The following SEL1L variants were observed in gnomAD, a reference collection of about 807,000 sequenced individuals.
The protein encoded by SEL1L is protein sel-1 homolog 1.
Under a neutral mutation model 109.8 loss-of-function variants are expected in SEL1L, and 52 were observed. The ratio of observed to expected loss-of-function variants is 0.47; its 90% CI spans 0.38 to 0.60. The LOEUF (loss-of-function observed/expected upper bound fraction) is 0.60, where lower values mean the gene tolerates loss of function less well. Among genes scored for constraint, SEL1L ranks in the 20% least tolerant of loss-of-function variants. SEL1L has a pLI of 0.00. For synonymous variants in SEL1L, 373 were observed against 339.6 expected (o/e 1.10, Z -1.08); for missense variants, 749 against 962.2 (o/e 0.78, Z 2.93).
At chr14:81,513,337 G>A (rs916882928) in intron 3 of SEL1L, among the ~76,000 whole-genome samples, 1 of 152,168 alleles carries the variant, frequency 6.6e-6, no homozygotes, top group African/African-American at 2.4e-5. Context: ...AATAAATCTT[G>A]TTGCTGCTCA....
At chr14:81,484,031 G>A (rs566182151) in intron 19 of SEL1L, among the ~76,000 whole-genome samples, 194 bp downstream of exon 19, 6 of 152,312 alleles carry the variant, frequency 3.9e-5, no homozygotes, top group Admixed American at 6.5e-5. Context: ...ATAAAACAGC[G>A]TGGATAGCAG....
chr14:81,491,768 T>C (rs1027776042), intron 12 of SEL1L, among the ~76,000 whole-genome samples: 1 of 152,218 alleles, frequency 6.6e-6, no homozygotes, highest in Non-Finnish European at 1.5e-5. Context: ...TCTGTTCCCT[T>C]GATTGAGAAC....
chr14:81,480,375 G>C (rs1479283912), intron 19 of SEL1L, among the ~76,000 whole-genome samples: 2 of 152,110 alleles, frequency 1.3e-5, no homozygotes, highest in Non-Finnish European at 2.9e-5. Context: ...ATTTTTAGTA[G>C]AGACGGGGTT....
chr14:81,509,639 A>G, intron 3 of SEL1L, among the ~76,000 whole-genome samples: 1 of 152,242 alleles, frequency 6.6e-6, no homozygotes, highest in East Asian at 1.9e-4. Flanking sequence ...AGTAAGAAAA[A>G]GTAAAAAGCA....
At chr14:81,512,001 A>G (rs753894084) in intron 3 of SEL1L, among the ~76,000 whole-genome samples, 40 of 152,208 alleles carry the variant, frequency 2.6e-4, no homozygotes, top group Admixed American at 8.5e-4. Context: ...GACCTTTTTC[A>G]TTTGCAAACT....
At chr14:81,502,573 C>T in intron 6 of SEL1L, 148 bp downstream of exon 6, 3 of 759,390 alleles carry the variant, frequency 4.0e-6, no homozygotes, top group Non-Finnish European at 6.4e-6. Context: ...AAAGACTATC[C>T]AAGAAGACTG....
chr14:81,498,105 G>A (rs1446357453), intron 9 of SEL1L, 59 bp from the exon 10 acceptor site: 9 of 1,534,170 alleles, frequency 5.9e-6, no homozygotes, highest in East Asian at 2.3e-5. Flanking sequence ...GTTCCAGAGA[G>A]AGAGAAGTAC....
At chr14:81,513,326 C>A (rs1402651557) in intron 3 of SEL1L, among the ~76,000 whole-genome samples, 1 of 152,176 alleles carries the variant, frequency 6.6e-6, no homozygotes, top group Non-Finnish European at 1.5e-5. Flanking sequence ...TCGCTCTTCA[C>A]AATAAATCTT....
At chr14:81,491,197 C>T (rs1186004344) in intron 12 of SEL1L, among the ~76,000 whole-genome samples, 1 of 152,142 alleles carries the variant, frequency 6.6e-6, no homozygotes, top group Non-Finnish European at 1.5e-5. Context: ...TCTCCTCTAC[C>T]ACTACTTTCC....
At chr14:81,516,294 C>T (rs1398528137) in intron 3 of SEL1L, among the ~76,000 whole-genome samples, 10 of 152,200 alleles carry the variant, frequency 6.6e-5, no homozygotes, top group African/African-American at 2.4e-4. Flanking sequence ...TGTTAACCTC[C>T]TGTCCCAGAC....
chr14:81,495,243 A>G, intron 10 of SEL1L, 106 bp from the exon 11 acceptor site: 1 of 938,924 alleles, frequency 1.1e-6, no homozygotes, highest in African/African-American at 1.6e-5. Context: ...TCTGTTCATG[A>G]CTCAAAAAAC....
chr14:81,510,508 CTCTCTCTATATA>C (rs965729948), intron 3 of SEL1L, among the ~76,000 whole-genome samples: 3 of 116,412 alleles, frequency 2.6e-5, no homozygotes, highest in African/African-American at 6.8e-5. Flanking sequence ...CTCTCTCTCT[CTCTCTCTATATA>C]TATATATATA....
chr14:81,505,954 A>C, intron 4 of SEL1L, 120 bp downstream of exon 4: 2 of 926,628 alleles, frequency 2.2e-6, no homozygotes, highest in South Asian at 3.5e-5. Flanking sequence ...GGCTGTAATG[A>C]CATCAGCAAT....
chr14:81,499,727 C>T (rs1268695746), intron 6 of SEL1L, 65 bp from the exon 7 acceptor site: 5 of 1,315,676 alleles, frequency 3.8e-6, no homozygotes, highest in Non-Finnish European at 5.3e-6. Context: ...CAGACACAGA[C>T]AGACACAGTT....
Position 81,487,467 on chromosome 14 carries a change from T to C in SEL1L, c.1555A>G (p.Ile519Val). Residue 519 changes from isoleucine (I) to valine (V), a missense_variant, in exon 16 of 21, where the codon ATC becomes GTC. Physicochemically the swap from Ile to Val is conservative, Grantham distance 29. This residue lies in a region of SEL1L where 383 missense variants were observed against 562.5 expected (regional missense o/e 0.68). Coordinates refer to ENST00000336735, the MANE Select transcript of SEL1L (RefSeq NM_005065.6). Reference protein sequence around the residue: ...YFNLASQGGHILAFYNLAQMH... With the variant: ...YFNLASQGGHVLAFYNLAQMH... ...TGAGCTAGGTTATAGAAAGCCAAGA[T>C]ATGGCCTCCCTGAGAAGCTAAATTA... is the stretch of plus-strand genomic sequence containing the variant. 1 of 1,610,402 alleles carries C rather than the reference T, an allele frequency of 6.2e-7. No individual in the cohort carries two copies. The highest frequency in any genetic ancestry group is 8.5e-7 in the Non-Finnish European group (1 of 1,179,256).
intron 19 of SEL1L, 151 bp downstream of exon 19, chr14:81,484,074 G>A: frequency 1.3e-6 from 1 of 751,922 alleles, no homozygotes; most frequent in Non-Finnish European, 2.2e-6. Flanking sequence ...AGAGATGGAA[G>A]GGCAGTCTTC....
At chr14:81,487,641 T>C in intron 15 of SEL1L, 103 bp from the exon 16 acceptor site, 2 of 1,522,072 alleles carry the variant, frequency 1.3e-6, no homozygotes, top group Non-Finnish European at 1.8e-6. Context: ...AAAGAATTCT[T>C]ACTGAGTAAA....
chr14:81,476,786 A>G lies in SEL1L; in HGVS notation c.*186T>C. On this transcript the variant is annotated 3_prime_UTR_variant, in exon 21 of 21. Coordinates refer to ENST00000336735, the MANE Select transcript of SEL1L (RefSeq NM_005065.6). Reference sequence around the variant, plus strand: ...CTGAAACAAACATTCAGCTCAGTTTAGGTAAGAGTTACTTATCCCTGAAAA... The same window carrying G: ...CTGAAACAAACATTCAGCTCAGTTTGGGTAAGAGTTACTTATCCCTGAAAA... 1.7e-6 allele frequency: 1 copy of G among 593,080 alleles called. No homozygotes were observed. The highest frequency in any genetic ancestry group is 2.3e-5 in the South Asian group (1 of 43,226). 36.7% of individuals were successfully genotyped at this position (593,080 alleles called of 1,614,324 possible). A position where few individuals can be genotyped will look rare whatever the true frequency, so the allele number is the denominator to read the frequency against.
At chr14:81,500,986 C>CAT (rs1326529108) in intron 6 of SEL1L, among the ~76,000 whole-genome samples, 1 of 152,188 alleles carries the variant, frequency 6.6e-6, no homozygotes, top group Non-Finnish European at 1.5e-5. Context: ...GGAGTGCTCA[C>CAT]TGAAATCATG....
Sources: allele counts gnomAD v4.1 joint callset (sites outside exome capture counted in the v4.1 genomes callset), GRCh38; gene constraint gnomAD v4.1.1; regional missense constraint gnomAD v4.1.1; transcripts MANE v1.5; gene names NCBI Gene and HGNC (gene_info 2026-07-23, HGNC 2026-07-21).